HIVEP3: variants seen among roughly 807,000 people sequenced by gnomAD.
HIVEP3 encodes HIVEP zinc finger 3, also known as transcription factor HIVEP3.
A neutral mutation model predicts 152.8 loss-of-function variants in HIVEP3; 49 were observed. That is an observed-to-expected ratio of 0.32 (90% CI 0.26 to 0.41). HIVEP3 has a LOEUF of 0.41. HIVEP3 is among the 10% of genes least tolerant of loss of function. The pLI is 1.00. For synonymous variants in HIVEP3, 1,269 were observed against 1,289.0 expected, an observed-to-expected ratio of 0.98 and a Z score of 0.33; for missense variants, 2,790 against 3,103.3, an observed-to-expected ratio of 0.90 and a Z score of 2.40.
intron 1 of HIVEP3, among the ~76,000 whole-genome samples, chr1:41,930,656 T>TAAGTATATC (rs1201259708): frequency 6.6e-6 from 1 of 152,162 alleles, no homozygotes; most frequent in African/African-American, 2.4e-5. Flanking sequence ...GGTCATATAA[T>TAAGTATATC]AAGTATATCT....
At chr1:42,002,975 C>A (rs1645436913) in intron 1 of HIVEP3, among the ~76,000 whole-genome samples, 1 of 152,140 alleles carries the variant, frequency 6.6e-6, no homozygotes, top group South Asian at 2.1e-4. Context: ...TAGCATCATT[C>A]AGTATTATCT....
At chr1:41,935,517 G>A (rs1054639251) in intron 1 of HIVEP3, among the ~76,000 whole-genome samples, 6 of 151,980 alleles carry the variant, frequency 3.9e-5, no homozygotes, top group African/African-American at 1.2e-4. Context: ...ATGGCAACAA[G>A]GGACTATTTG....
chr1:41,810,080 G>A (rs969455025), intron 1 of HIVEP3, among the ~76,000 whole-genome samples: 6 of 152,042 alleles, frequency 3.9e-5, no homozygotes, highest in African/African-American at 1.4e-4. Flanking sequence ...CCAGTGTTCA[G>A]GGCCAAAAGC....
At chr1:41,671,344 T>G (rs977008259) in intron 2 of HIVEP3, among the ~76,000 whole-genome samples, 3 of 152,246 alleles carry the variant, frequency 2.0e-5, no homozygotes, top group African/African-American at 7.2e-5. Flanking sequence ...AGCCTAATTT[T>G]AGACTGAGCA....
chr1:41,868,129 C>T (rs1644013034), intron 1 of HIVEP3, among the ~76,000 whole-genome samples: 1 of 152,092 alleles, frequency 6.6e-6, no homozygotes, highest in East Asian at 1.9e-4. Flanking sequence ...GCCACACTGG[C>T]CTCCTTCCTA....
intron 4 of HIVEP3, 112 bp downstream of exon 4, chr1:41,579,625 C>A: frequency 8.0e-7 from 1 of 1,252,086 alleles, no homozygotes; most frequent in Non-Finnish European, 1.1e-6. Context: ...GGAAATCTGA[C>A]TACTAGTCTG....
intron 1 of HIVEP3, among the ~76,000 whole-genome samples, chr1:41,715,978 G>C (rs758567322): frequency 2.6e-5 from 4 of 152,154 alleles, no homozygotes; most frequent in Non-Finnish European, 2.9e-5. Flanking sequence ...CCGAGCAACC[G>C]ATCATGCCTG....
intron 1 of HIVEP3, among the ~76,000 whole-genome samples, chr1:41,933,317 C>A (rs530170345): frequency 3.3e-5 from 5 of 152,040 alleles, no homozygotes; most frequent in Non-Finnish European, 7.4e-5. Flanking sequence ...ATTCTATCAG[C>A]TTTTGCATCA....
At chr1:41,982,234 C>T (rs967416443) in intron 1 of HIVEP3, among the ~76,000 whole-genome samples, 26 of 152,234 alleles carry the variant, frequency 1.7e-4, no homozygotes, top group African/African-American at 6.3e-4. Flanking sequence ...ACCTGAATGA[C>T]AACTAAAGTT....
At chr1:41,797,348 G>A (rs1036788555) in intron 1 of HIVEP3, among the ~76,000 whole-genome samples, 1 of 152,240 alleles carries the variant, frequency 6.6e-6, no homozygotes. Context: ...AGAGAGCAGA[G>A]CACAGTATGT....
chr1:41,529,704 A>T (rs1412833402), intron 5 of HIVEP3, among the ~76,000 whole-genome samples: 1 of 133,852 alleles, frequency 7.5e-6, no homozygotes, highest in Non-Finnish European at 1.6e-5. Flanking sequence ...TTGAATACTC[A>T]TATACCCCAT....
intron 1 of HIVEP3, among the ~76,000 whole-genome samples, chr1:41,779,520 T>A (rs1052354952): frequency 1.3e-5 from 2 of 151,898 alleles, no homozygotes; most frequent in Non-Finnish European, 2.9e-5. Flanking sequence ...TGAGACGGAG[T>A]CTCCCTCTGT....
chr1:41,918,547 A>G lies in HIVEP3; in HGVS notation c.-935T>C, dbSNP rs1644910019. ...CACCTGTTTCAAGTAAGGGGTAAAG[A>G]CCTTATTGAAAGAATTGTCCTTAAA... is the stretch of plus-strand genomic sequence containing the variant. On this transcript the variant is annotated 5_prime_UTR_variant, in exon 1 of 9. Coordinates refer to ENST00000372583, the MANE Select transcript of HIVEP3 (RefSeq NM_024503.5). This position sits in a 1 kb window ranked among gnomAD's most constrained non-coding sequence, Gnocchi z 4.3. 1 of 152,024 alleles carries G rather than the reference A, an allele frequency of 6.6e-6. No homozygotes were observed. The highest frequency in any genetic ancestry group is 1.5e-5 in the Non-Finnish European group (1 of 68,016). The allele number at this position is 152,024 out of a possible 1,614,324, so 9.4% of individuals were successfully genotyped here. A position where few individuals can be genotyped will look rare whatever the true frequency, so the allele number is the denominator to read the frequency against.
rs1558047569 is a variant in HIVEP3, at chr1:41,545,039, T to TC, written c.5208-20130_5208-20129insG. On this transcript the variant is annotated intron_variant, in intron 5 of 8. Coordinates refer to ENST00000372583, the MANE Select transcript of HIVEP3 (RefSeq NM_024503.5). ...CCACTACCACCACCACCACCACCAA[T>TC]ACCACTACCACCACCATCACTACCA... Among the ~76,000 whole-genome samples the TC allele has an allele frequency of 2.8e-3, 50 of 17,864 alleles. 8 individuals are homozygous for TC. Among genetic ancestry groups the TC allele is most frequent in the Non-Finnish European group, 3.3e-3 (26 of 7,768 alleles). The allele number at this position is 17,864 out of a possible 152,430, so 11.7% of individuals were successfully genotyped here. A position where few individuals can be genotyped will look rare whatever the true frequency, so the allele number is the denominator to read the frequency against.
In HIVEP3 at chr1:41,533,734, C is replaced by T. The variant is rs1300642582; in HGVS notation, c.5208-8824G>A. On this transcript the variant is annotated intron_variant, in intron 5 of 8. Transcript: ENST00000372583. This position sits in a 1 kb window ranked among gnomAD's most constrained non-coding sequence, Gnocchi z 4.3. Reference sequence around the variant, plus strand: ...ATGGCCCCTGCCAGCCTCCGACCTGCACTCTTCTCACCACACACCTTCCCC... The same window carrying T: ...ATGGCCCCTGCCAGCCTCCGACCTGTACTCTTCTCACCACACACCTTCCCC... 2.0e-5 allele frequency among the ~76,000 whole-genome samples: 3 copies of T among 151,982 alleles called. No individual in the cohort carries two copies. The highest frequency in any genetic ancestry group is 4.4e-5 in the Non-Finnish European group (3 of 67,990).
At chr1:41,622,393 G>C (rs191699692) in intron 3 of HIVEP3, among the ~76,000 whole-genome samples, 9 of 152,188 alleles carry the variant, frequency 5.9e-5, no homozygotes, top group South Asian at 2.1e-4. Context: ...GAGCAGGGGT[G>C]GGGGAGGAAG....
At chr1:41,699,603 G>C (rs1477121143) in intron 2 of HIVEP3, among the ~76,000 whole-genome samples, 1 of 152,190 alleles carries the variant, frequency 6.6e-6, no homozygotes, top group Non-Finnish European at 1.5e-5. Flanking sequence ...AAGAGCAGAA[G>C]AGAAGCAGTC....
At chr1:41,729,502 G>A (rs1428444932) in intron 1 of HIVEP3, among the ~76,000 whole-genome samples, 1 of 152,212 alleles carries the variant, frequency 6.6e-6, no homozygotes, top group Non-Finnish European at 1.5e-5. Flanking sequence ...TGTTGGCAAA[G>A]GGCCTGATAT....
rs565410181 is a variant in HIVEP3 at position 41,727,034 on chromosome 1, C to T, written c.-800-26039G>A. Among the ~76,000 whole-genome samples the T allele has an allele frequency of 3.9e-5, 6 of 152,278 alleles. No individual in the cohort carries two copies. In the South Asian group the frequency reaches 6.2e-4, roughly 16 times the overall value. ...GTCTCAGCGCGGGAGGCACAGATGG[C>T]GAGGTCTGCCTTTGGCCAGGTGTGG... is the stretch of plus-strand genomic sequence containing the variant. On this transcript the variant is annotated intron_variant, in intron 1 of 8. Transcript: ENST00000372583.
Sources: gnomAD v4.1 joint callset for allele counts (sites outside exome capture counted in the v4.1 genomes callset) on GRCh38, gnomAD v4.1.1 for gene constraint, Gnocchi (gnomAD v3.1) non-coding constraint, MANE v1.5 for transcripts, NCBI Gene and HGNC (gene_info 2026-07-23, HGNC 2026-07-21) for gene names.